Variants in ZSWIM6 observed in about 807,000 individuals in gnomAD.
ZSWIM6 encodes the protein zinc finger SWIM-type containing 6, also known as zinc finger SWIM domain-containing protein 6.
In ZSWIM6, 9 loss-of-function variants were observed where a neutral mutation model predicts 113.2. That is an observed-to-expected ratio of 0.08 (90% confidence interval 0.05 to 0.14). The LOEUF is 0.14. ZSWIM6 is among the 10% of genes least tolerant of loss of function. ZSWIM6 has a pLI of 1.00. For synonymous variants in ZSWIM6, 611 were observed against 606.5 expected, an observed-to-expected ratio of 1.01 and a Z score of -0.11; for missense variants, 1,162 against 1,552.2, an observed-to-expected ratio of 0.75 and a Z score of 4.22.
At chr5:61,459,912 A>G (rs1487964025) in intron 1 of ZSWIM6, among the ~76,000 whole-genome samples, 5 of 152,206 alleles carry the variant, frequency 3.3e-5, no homozygotes, top group African/African-American at 1.2e-4. Context: ...AATATTGTAA[A>G]CACTTTCTCA....
intron 1 of ZSWIM6, among the ~76,000 whole-genome samples, chr5:61,340,575 A>G (rs1227061642): frequency 6.6e-6 from 1 of 152,222 alleles, no homozygotes; most frequent in African/African-American, 2.4e-5. Context: ...GATTTCAGAG[A>G]TAAAAAGATA....
At chr5:61,387,809 G>A (rs1745619284) in intron 1 of ZSWIM6, among the ~76,000 whole-genome samples, 1 of 151,624 alleles carries the variant, frequency 6.6e-6, no homozygotes, top group African/African-American at 2.4e-5. Context: ...TACTCGGGAG[G>A]TTGAGGCAGG....
At chr5:61,393,395 T>C (rs1745771967) in intron 1 of ZSWIM6, among the ~76,000 whole-genome samples, 1 of 152,154 alleles carries the variant, frequency 6.6e-6, no homozygotes, top group African/African-American at 2.4e-5. Context: ...TATGAACAAT[T>C]CTACAATAAA....
At chr5:61,523,872 T>C (rs779222791) in intron 5 of ZSWIM6, among the ~76,000 whole-genome samples, 2 of 152,216 alleles carry the variant, frequency 1.3e-5, no homozygotes, top group Non-Finnish European at 1.5e-5. Context: ...ACGCAACATT[T>C]CTCTACACTT....
At chr5:61,424,326 A>G (rs774861225) in intron 1 of ZSWIM6, among the ~76,000 whole-genome samples, 6 of 152,184 alleles carry the variant, frequency 3.9e-5, no homozygotes, top group Non-Finnish European at 5.9e-5. Context: ...TTATTTTTTG[A>G]GTAGTTACTA....
intron 2 of ZSWIM6, among the ~76,000 whole-genome samples, chr5:61,486,045 CT>C (rs2112206575): frequency 6.6e-6 from 1 of 152,010 alleles, no homozygotes; most frequent in South Asian, 2.1e-4. Flanking sequence ...GGTGTGTAGT[CT>C]GGGCTATAGG....
chr5:61,521,025 T>A (rs910528522), intron 4 of ZSWIM6, among the ~76,000 whole-genome samples: 3 of 152,152 alleles, frequency 2.0e-5, no homozygotes, highest in Admixed American at 2.0e-4. Flanking sequence ...CAATAAACTC[T>A]CTGTGGGATT....
chr5:61,491,977 T>C (rs2112216196), intron 3 of ZSWIM6, among the ~76,000 whole-genome samples: 1 of 152,186 alleles, frequency 6.6e-6, no homozygotes, highest in East Asian at 1.9e-4. Context: ...TACATTTAAC[T>C]CTAATACTAC....
In ZSWIM6 at chr5:61,443,336, AT is replaced by A. The variant is rs1298398596; in HGVS notation, c.677-29344del. Among the ~76,000 whole-genome samples, 3 of 152,236 alleles carry A rather than the reference AT, an allele frequency of 2.0e-5. 1 individual carries two copies. Among genetic ancestry groups the A allele is most frequent in the Non-Finnish European group, 4.4e-5 (3 of 68,038 alleles). ...TCATTATAACAACCTAAATGAAGAC[AT>A]ACCAGAATTTCAGGAATCACATTCA... On this transcript the variant is annotated intron_variant, in intron 1 of 13. Coordinates refer to ENST00000252744, the MANE Select transcript of ZSWIM6 (RefSeq NM_020928.2).
At chr5:61,405,613 A>G (rs1027919456) in intron 1 of ZSWIM6, among the ~76,000 whole-genome samples, 2 of 152,338 alleles carry the variant, frequency 1.3e-5, no homozygotes, top group Middle Eastern at 3.4e-3. Flanking sequence ...GATACAGGAA[A>G]ACTTGAGCAA....
At chr5:61,517,935 T>TCCCTCCC (rs70977853) in intron 4 of ZSWIM6, among the ~76,000 whole-genome samples, 22,822 of 75,924 alleles carry the variant, frequency 0.3, 3,454 homozygotes, top group Middle Eastern at 0.38. Context: ...CCAAATGCTA[T>TCCCTCCC]CCCTCCCCCC....
At chr5:61,456,780 A>G (rs1158328528) in intron 1 of ZSWIM6, among the ~76,000 whole-genome samples, 1 of 152,224 alleles carries the variant, frequency 6.6e-6, no homozygotes, top group Non-Finnish European at 1.5e-5. Context: ...ATACAGCTGT[A>G]GCTATCATTT....
chr5:61,431,380 A>C (rs2112135438), intron 1 of ZSWIM6, among the ~76,000 whole-genome samples: 1 of 148,046 alleles, frequency 6.8e-6, no homozygotes, highest in African/African-American at 2.6e-5. Flanking sequence ...TCCAAAAAAA[A>C]AAAAAAAAAA....
intron 1 of ZSWIM6, among the ~76,000 whole-genome samples, chr5:61,427,657 T>A (rs185994971): frequency 1.3e-3 from 203 of 152,204 alleles, no homozygotes; most frequent in Non-Finnish European, 2.0e-3. Flanking sequence ...TTTTATTTTT[T>A]TTTTGTAGAG....
chr5:61,483,910 A>T, intron 2 of ZSWIM6, among the ~76,000 whole-genome samples: 1 of 150,754 alleles, frequency 6.6e-6, no homozygotes, highest in Middle Eastern at 3.5e-3. Flanking sequence ...AAATAAAATA[A>T]ATATATATAT....
At chr5:61,474,986 G>A (rs900404211) in intron 2 of ZSWIM6, among the ~76,000 whole-genome samples, 2 of 152,070 alleles carry the variant, frequency 1.3e-5, no homozygotes, top group Non-Finnish European at 2.9e-5. Flanking sequence ...TGCCACAGAG[G>A]TACCTTCAGC....
intron 10 of ZSWIM6, among the ~76,000 whole-genome samples, chr5:61,538,247 T>A (rs1282397163): frequency 6.6e-6 from 1 of 152,224 alleles, no homozygotes; most frequent in African/African-American, 2.4e-5. Flanking sequence ...AATGTCAAAT[T>A]CCTGGAGTCA....
chr5:61,481,616 C>G (rs555534083), intron 2 of ZSWIM6, among the ~76,000 whole-genome samples: 1 of 152,010 alleles, frequency 6.6e-6, no homozygotes, highest in South Asian at 2.1e-4. Flanking sequence ...TTGAGAACTA[C>G]TGGGGCAAGC....
intron 1 of ZSWIM6, among the ~76,000 whole-genome samples, chr5:61,458,778 T>C (rs1200789989): frequency 6.6e-6 from 1 of 150,834 alleles, no homozygotes; most frequent in African/African-American, 2.4e-5. Context: ...CTCGGGAGGC[T>C]GAGGCAGGAG....
Sources: gnomAD v4.1 joint callset for allele counts (sites outside exome capture counted in the v4.1 genomes callset) on GRCh38, gnomAD v4.1.1 for gene constraint, MANE v1.5 for transcripts, NCBI Gene and HGNC (gene_info 2026-07-23, HGNC 2026-07-21) for gene names.